The following CDH8 variants were observed in gnomAD, a reference collection of about 807,000 sequenced individuals.
CDH8 encodes cadherin 8.
CDH8 carries 17 observed loss-of-function variants against 68.1 expected under a neutral mutation model. The observed-to-expected ratio is 0.25, with a 90% confidence interval of 0.17 to 0.37. The LOEUF (loss-of-function observed/expected upper bound fraction) is 0.37, where lower values mean the gene tolerates loss of function less well. CDH8 is among the 10% of genes least tolerant of loss of function. The probability of loss-of-function intolerance (pLI) is 1.00; values close to 1 mark genes in which losing one functional copy is unlikely to be tolerated. For synonymous variants in CDH8, 372 were observed against 365.1 expected, an observed-to-expected ratio of 1.02 and a Z score of -0.21; for missense variants, 763 against 999.3, an observed-to-expected ratio of 0.76 and a Z score of 3.19.
intron 10 of CDH8, among the ~76,000 whole-genome samples, chr16:61,712,628 C>T (rs1414687680): frequency 6.6e-6 from 1 of 151,490 alleles, no homozygotes; most frequent in Admixed American, 6.6e-5. Flanking sequence ...TGACAATGTA[C>T]TTGGATTACA....
At chr16:62,027,296 T>G (rs1474571896) in intron 1 of CDH8, among the ~76,000 whole-genome samples, 1 of 152,228 alleles carries the variant, frequency 6.6e-6, no homozygotes, top group Admixed American at 6.5e-5. Context: ...GATTCCAACA[T>G]TATTTTAAGA....
chr16:62,002,810 T>A (rs1374844872), intron 2 of CDH8, among the ~76,000 whole-genome samples: 3 of 152,140 alleles, frequency 2.0e-5, no homozygotes, highest in African/African-American at 4.8e-5. Context: ...TCCCAGCACT[T>A]TGGGAGGCCG....
chr16:61,689,711 TA>T (rs1964180895), intron 10 of CDH8, among the ~76,000 whole-genome samples: 2 of 152,032 alleles, frequency 1.3e-5, no homozygotes, highest in African/African-American at 4.8e-5. Flanking sequence ...GCAGAATCTT[TA>T]TTTTTCTTCA....
chr16:62,018,088 A>G (rs1290355317), intron 2 of CDH8, among the ~76,000 whole-genome samples: 1 of 152,184 alleles, frequency 6.6e-6, no homozygotes, highest in Non-Finnish European at 1.5e-5. Context: ...ACAAATTCTT[A>G]TTTATCTTAT....
intron 3 of CDH8, among the ~76,000 whole-genome samples, chr16:61,883,565 G>A (rs939947215): frequency 3.3e-5 from 5 of 151,650 alleles, no homozygotes; most frequent in Non-Finnish European, 5.9e-5. Context: ...CTAATAGTGA[G>A]ATAAAGTTTC....
Position 61,825,188 on chromosome 16 carries a change from G to A in CDH8, c.668-9C>T, listed in dbSNP as rs1567488061. 2 of 1,594,086 alleles carry A rather than the reference G, an allele frequency of 1.3e-6. No homozygotes were observed. Among genetic ancestry groups the A allele is most frequent in the East Asian group, 2.2e-5 (1 of 44,642 alleles). ...GGCAGTTTTTATAATAGCTGAGGGG[G>A]AAAATGGAAGAATGACTTTCAGTCA... On this transcript the variant is annotated splice_polypyrimidine_tract_variant and intron_variant, in intron 4 of 11. Transcript: ENST00000577390.
chr16:61,749,049 G>C (rs1477448584), intron 8 of CDH8, among the ~76,000 whole-genome samples: 2 of 152,054 alleles, frequency 1.3e-5, no homozygotes, highest in Non-Finnish European at 2.9e-5. Context: ...TCAAGCCCAG[G>C]CTTACAATAT....
At position 61,789,326 on chromosome 16, in the gene CDH8, GA is replaced by G. The variant is rs1173549606; in HGVS notation, c.1414+19del. On this transcript the variant is annotated intron_variant, in intron 8 of 11. Coordinates refer to ENST00000577390, the MANE Select transcript of CDH8 (RefSeq NM_001796.5). Reference sequence around the variant, plus strand: ...GAACTCAGTCACACAAGGAAGAAATGAACAAATCCAGGCACTTACTAATTTC... The same window carrying G: ...GAACTCAGTCACACAAGGAAGAAATGACAAATCCAGGCACTTACTAATTTC... 6.2e-7 allele frequency: 1 copy of G among 1,603,654 alleles called. No homozygotes were observed. The highest frequency in any genetic ancestry group is 1.3e-5 in the African/African-American group (1 of 74,234).
intron 2 of CDH8, among the ~76,000 whole-genome samples, chr16:61,906,154 A>G (rs1453883249): frequency 6.6e-6 from 1 of 152,222 alleles, no homozygotes; most frequent in Non-Finnish European, 1.5e-5. Flanking sequence ...TGTGACAAGA[A>G]ACCATAAATA....
intron 10 of CDH8, among the ~76,000 whole-genome samples, chr16:61,698,894 T>C (rs1016941891): frequency 5.9e-5 from 9 of 152,184 alleles, no homozygotes; most frequent in African/African-American, 2.2e-4. Flanking sequence ...AGAGTTGAAG[T>C]GGGAATATTT....
Position 61,857,216 on chromosome 16 carries a change from A to G in CDH8, c.570T>C (p.Thr190=), listed in dbSNP as rs1302783991. 7.4e-6 allele frequency: 12 copies of G among 1,612,752 alleles called. No homozygotes were observed. The highest frequency in any genetic ancestry group is 2.2e-5 in the East Asian group (1 of 44,810). Residue 190 remains threonine, a synonymous_variant, in exon 4 of 12, where the codon ACT becomes ACC. Transcript: ENST00000577390. The stretch of plus-strand genomic sequence containing the variant: ...AAACTGGGTCATCAGCGTCGGTCGC[A>G]GTGACGTTAGTGACAGATGTACCTA... The part of the protein sequence containing the change: ...SILGTSVTNV[T]ATDADDPVYG...
intron 2 of CDH8, among the ~76,000 whole-genome samples, chr16:62,003,072 T>G (rs747472508): frequency 6.6e-6 from 1 of 152,048 alleles, no homozygotes; most frequent in Non-Finnish European, 1.5e-5. Context: ...ATCAGAAATG[T>G]TTGGCACATA....
chr16:61,698,788 T>C (rs1419493676), intron 10 of CDH8, among the ~76,000 whole-genome samples: 1 of 152,162 alleles, frequency 6.6e-6, no homozygotes, highest in African/African-American at 2.4e-5. Context: ...ACTTCTCCGA[T>C]ATCTTTCTTT....
chr16:61,840,516 A>G (rs1360160606), intron 4 of CDH8, among the ~76,000 whole-genome samples: 1 of 152,144 alleles, frequency 6.6e-6, no homozygotes, highest in Non-Finnish European at 1.5e-5. Flanking sequence ...GTCTCTCAGT[A>G]TTTCTAAATA....
At chr16:61,909,798 C>A (rs923036971) in intron 2 of CDH8, among the ~76,000 whole-genome samples, 1 of 152,070 alleles carries the variant, frequency 6.6e-6, no homozygotes, top group African/African-American at 2.4e-5. Context: ...ATAGAATAAA[C>A]CTAGAAATAG....
At chr16:61,887,448 A>G (rs1963695385) in intron 3 of CDH8, among the ~76,000 whole-genome samples, 1 of 152,200 alleles carries the variant, frequency 6.6e-6, no homozygotes, top group Non-Finnish European at 1.5e-5. Context: ...TCCAAGGTCA[A>G]GATGCTGGCA....
At chr16:61,884,644 G>A (rs1441432101) in intron 3 of CDH8, among the ~76,000 whole-genome samples, 1 of 152,144 alleles carries the variant, frequency 6.6e-6, no homozygotes, top group African/African-American at 2.4e-5. Flanking sequence ...AAAGTGCTGG[G>A]ATTACAGGCG....
At chr16:61,836,694 C>T (rs149302146) in intron 4 of CDH8, among the ~76,000 whole-genome samples, 38 of 151,994 alleles carry the variant, frequency 2.5e-4, no homozygotes, top group African/African-American at 8.2e-4. Flanking sequence ...CATAGACTGA[C>T]GACTTGTCTA....
At chr16:61,791,601 A>G (rs1961382055) in intron 7 of CDH8, among the ~76,000 whole-genome samples, 1 of 151,944 alleles carries the variant, frequency 6.6e-6, no homozygotes, top group Non-Finnish European at 1.5e-5. Context: ...GCGTCAACCA[A>G]TTTCCCAGAG....
Sources: gnomAD v4.1 joint callset for allele counts (sites outside exome capture counted in the v4.1 genomes callset) on GRCh38, gnomAD v4.1.1 for gene constraint, MANE v1.5 for transcripts, NCBI Gene and HGNC (gene_info 2026-07-23, HGNC 2026-07-21) for gene names.